The following LAMC2 variants were observed in gnomAD, a reference collection of about 807,000 sequenced individuals.
LAMC2 encodes laminin subunit gamma-2.
In LAMC2, 97 loss-of-function variants were observed where a neutral mutation model predicts 140.2. The ratio of observed to expected loss-of-function variants is 0.69; its 90% CI spans 0.59 to 0.82. The LOEUF (loss-of-function observed/expected upper bound fraction) is 0.82. LAMC2 is among the 40% of genes least tolerant of loss of function. The probability of loss-of-function intolerance (pLI) is 0.00; values close to 1 mark genes in which losing one functional copy is unlikely to be tolerated. For missense variants in LAMC2, 1,402 were observed against 1,476.1 expected (o/e 0.95, Z 0.82); for synonymous variants, 513 against 540.2 (o/e 0.95, Z 0.70).
chr1:183,254,194 A>T, the LAMC2 span, among the ~76,000 whole-genome samples: 1 of 152,146 alleles, frequency 6.6e-6, no homozygotes, highest in South Asian at 2.1e-4. Context: ...ACCAATCTAC[A>T]TTCCCACCAA....
chr1:183,231,787 C>T (rs1265835365), intron 12 of LAMC2, among the ~76,000 whole-genome samples: 1 of 152,180 alleles, frequency 6.6e-6, no homozygotes, highest in African/African-American at 2.4e-5. Flanking sequence ...TCAAACTGAT[C>T]TATTTAACAA....
chr1:183,230,569 G>A (rs1215105936), intron 11 of LAMC2, among the ~76,000 whole-genome samples: 1 of 152,200 alleles, frequency 6.6e-6, no homozygotes, highest in African/African-American at 2.4e-5. Flanking sequence ...TACTTGCCAT[G>A]TAACCTCAGG....
the LAMC2 span, chr1:183,252,562 G>C: frequency 2.0e-6 from 2 of 1,022,654 alleles, no homozygotes; most frequent in Non-Finnish European, 3.1e-6. Flanking sequence ...CGAGGAGATG[G>C]AGAAACAGAG....
At chr1:183,231,182 TC>T in intron 12 of LAMC2, 79 bp downstream of exon 12, 1 of 1,517,542 alleles carries the variant, frequency 6.6e-7, no homozygotes, top group Non-Finnish European at 9.1e-7. Flanking sequence ...CTGTCACAGA[TC>T]TAGGACACTC....
Position 183,228,650 on chromosome 1 carries a change from G to C in LAMC2, c.1714+31G>C. Reference sequence around the variant, plus strand: ...ACTCCACCCCAGGCAGGCTGTGTCTGTGCGTGCCTGTGTACGTATGCACTT... The same window carrying C: ...ACTCCACCCCAGGCAGGCTGTGTCTCTGCGTGCCTGTGTACGTATGCACTT... On this transcript the variant is annotated intron_variant, in intron 11 of 22. Coordinates refer to ENST00000264144, the MANE Select transcript of LAMC2 (RefSeq NM_005562.3). This position sits in a 1 kb window ranked among gnomAD's most constrained non-coding sequence, Gnocchi z 4.3. The C allele has an allele frequency of 6.2e-7, 1 of 1,612,758 alleles. No individual in the cohort carries two copies. The highest frequency in any genetic ancestry group is 8.5e-7 in the Non-Finnish European group (1 of 1,179,926).
chr1:183,230,342 G>C (rs1332739379), intron 11 of LAMC2, among the ~76,000 whole-genome samples: 1 of 152,220 alleles, frequency 6.6e-6, no homozygotes, highest in Non-Finnish European at 1.5e-5. Context: ...AGCGTTTTGT[G>C]AGCACTGAAG....
intron 13 of LAMC2, 54 bp from the exon 14 acceptor site, chr1:183,232,598 A>G: frequency 1.3e-5 from 20 of 1,498,092 alleles, no homozygotes; most frequent in Non-Finnish European, 1.8e-5. Flanking sequence ...TATGTTTGCT[A>G]ACTCTATGCT....
At chr1:183,257,543 C>T in the LAMC2 span, among the ~76,000 whole-genome samples, 1 of 152,184 alleles carries the variant, frequency 6.6e-6, no homozygotes, top group Non-Finnish European at 1.5e-5. Context: ...TTTTTAATTA[C>T]TACTTCAATC....
intron 1 of LAMC2, among the ~76,000 whole-genome samples, chr1:183,199,056 G>A (rs910591581): frequency 4.0e-5 from 6 of 149,772 alleles, no homozygotes; most frequent in African/African-American, 1.5e-4. Context: ...GCTTCTGGAC[G>A]TCAGGGAGAT....
the LAMC2 span, among the ~76,000 whole-genome samples, chr1:183,257,332 T>G: frequency 1.6e-4 from 24 of 151,974 alleles, 1 homozygote; most frequent in Non-Finnish European, 3.4e-4. Context: ...TCCCAGCTAC[T>G]TGGGAGGCTG....
chr1:183,207,823 A>G, intron 1 of LAMC2, 58 bp from the exon 2 acceptor site: 1 of 1,332,646 alleles, frequency 7.5e-7, no homozygotes, highest in Non-Finnish European at 1.1e-6. Flanking sequence ...CTGCTAGAAC[A>G]GTTCCTGAGG....
intron 1 of LAMC2, among the ~76,000 whole-genome samples, chr1:183,205,697 T>C (rs1010724611): frequency 6.6e-6 from 1 of 152,172 alleles, no homozygotes; most frequent in Admixed American, 6.6e-5. Flanking sequence ...ATGCCATAGC[T>C]ATCTTCAGAT....
At chr1:183,247,811 T>C (rs915592734), downstream of LAMC2, among the ~76,000 whole-genome samples, 1 of 152,238 alleles carries the variant, frequency 6.6e-6, no homozygotes, top group East Asian at 1.9e-4. Flanking sequence ...TTTGCTTGTT[T>C]ACATTGCCAA....
chr1:183,232,492 TC>T, intron 13 of LAMC2, 149 bp downstream of exon 13: 2 of 1,109,264 alleles, frequency 1.8e-6, no homozygotes, highest in Non-Finnish European at 1.3e-6. Flanking sequence ...TCTGTGGCAT[TC>T]CCCCTGGGAT....
At chr1:183,193,543 T>C (rs191740707) in intron 1 of LAMC2, among the ~76,000 whole-genome samples, 94 of 152,344 alleles carry the variant, frequency 6.2e-4, no homozygotes, top group Non-Finnish European at 1.0e-4. Flanking sequence ...ATGGCCCATT[T>C]TGCTCTTGGT....
At chr1:183,252,685 C>T in the LAMC2 span, 3 of 1,613,928 alleles carry the variant, frequency 1.9e-6, no homozygotes, top group African/African-American at 2.7e-5. Context: ...AGGATGTAGT[C>T]GATGACCGGC....
At chr1:183,187,344 G>A (rs1571493888) in intron 1 of LAMC2, among the ~76,000 whole-genome samples, 2 of 152,276 alleles carry the variant, frequency 1.3e-5, no homozygotes, top group South Asian at 2.1e-4. Context: ...TGTGCATTCC[G>A]GGTGATGCTG....
At chr1:183,199,885 C>A (rs1658651561) in intron 1 of LAMC2, among the ~76,000 whole-genome samples, 1 of 152,162 alleles carries the variant, frequency 6.6e-6, no homozygotes, top group Non-Finnish European at 1.5e-5. Flanking sequence ...TTAGTGCAGC[C>A]TAGATCTGTG....
intron 1 of LAMC2, among the ~76,000 whole-genome samples, chr1:183,198,584 G>C (rs1489802483): frequency 6.6e-6 from 1 of 152,174 alleles, no homozygotes; most frequent in Non-Finnish European, 1.5e-5. Context: ...AAAGCACTAC[G>C]TAATAGCAAC....
Sources: allele counts gnomAD v4.1 joint callset (sites outside exome capture counted in the v4.1 genomes callset), GRCh38; gene constraint gnomAD v4.1.1; non-coding constraint Gnocchi (gnomAD v3.1); transcripts MANE v1.5; gene names NCBI Gene and HGNC (gene_info 2026-07-23, HGNC 2026-07-21).